VPS13A: variants seen among roughly 807,000 people sequenced by gnomAD.
VPS13A encodes vacuolar protein sorting 13 homolog A.
In VPS13A, 264 loss-of-function variants were observed where a neutral mutation model predicts 390.9. That is an observed-to-expected ratio of 0.68 (90% confidence interval 0.61 to 0.75). The LOEUF (loss-of-function observed/expected upper bound fraction) is 0.75, where lower values mean the gene tolerates loss of function less well. Among genes scored for constraint, VPS13A ranks in the 30% least tolerant of loss-of-function variants. The probability of loss-of-function intolerance (pLI) is 0.00; values close to 1 mark genes in which losing one functional copy is unlikely to be tolerated. For synonymous variants in VPS13A, 1,231 were observed against 1,227.1 expected, an observed-to-expected ratio of 1.00 and a Z score of -0.07; for missense variants, 3,409 against 3,733.9, an observed-to-expected ratio of 0.91 and a Z score of 2.27.
Position 77,238,302 on chromosome 9 carries a change from A to G in VPS13A, c.1816A>G (p.Arg606Gly), listed in dbSNP as rs1222802737. 3 of 1,614,010 alleles carry G rather than the reference A, an allele frequency of 1.9e-6. No homozygotes were observed. Among genetic ancestry groups the G allele is most frequent in the Non-Finnish European group, 2.5e-6 (3 of 1,179,922 alleles). The change falls in exon 19 of 72, where the codon AGA becomes GGA. Residue 606 changes from arginine to glycine, a missense_variant. Physicochemically the swap from Arg to Gly is moderately radical, Grantham distance 125 (BLOSUM62 -2). Around this residue, in one of 5 missense-constraint regions of VPS13A, gnomAD observed 2,717 missense variants for 2,917.4 expected, o/e 0.93. Transcript: ENST00000360280. ...RTVNSIVEFFRPPKEVHLAQL... is the reference protein window; with the variant it reads ...RTVNSIVEFFGPPKEVHLAQL... ...AGTGAATAGTATAGTGGAATTCTTC[A>G]GACCTCCAAAAGAGGTACATCTAGC... is the stretch of plus-strand genomic sequence containing the variant.
intron 2 of VPS13A, among the ~76,000 whole-genome samples, chr9:77,200,444 G>A (rs1209415408): frequency 1.3e-5 from 2 of 152,156 alleles, no homozygotes; most frequent in South Asian, 2.1e-4. Context: ...AATGGAGATC[G>A]TGCTACTGCA....
chr9:77,384,903 T>C, intron 68 of VPS13A: 1 of 1,377,816 alleles, frequency 7.3e-7, no homozygotes, highest in Non-Finnish European at 9.4e-7. Flanking sequence ...TATTATAGAT[T>C]TGCTTTTATA....
chr9:77,213,007 A>G lies in VPS13A; in HGVS notation c.594A>G (p.Glu198=). 1 of 1,613,974 alleles carries G rather than the reference A, an allele frequency of 6.2e-7. No homozygotes were observed. Among genetic ancestry groups the G allele is most frequent in the Non-Finnish European group, 8.5e-7 (1 of 1,179,974 alleles). ...ACTGGGTTCCATGTTTACATGATGA[A>G]ACTGAGAAACTGGTTCGTAAGGTAA... ...DQYWVPCLHD[E]TEKLVRKLIR... The change falls in exon 8 of 72, where the codon GAA becomes GAG. Residue 198 remains glutamate (E), a synonymous_variant. Coordinates refer to ENST00000360280, the MANE Select transcript of VPS13A (RefSeq NM_033305.3).
intron 12 of VPS13A, 38 bp downstream of exon 12, chr9:77,220,421 A>G: frequency 7.6e-7 from 1 of 1,320,016 alleles, no homozygotes; most frequent in South Asian, 1.3e-5. Context: ...TAGATTTTAA[A>G]AATACAACAT....
At chr9:77,250,302 A>AC in intron 21 of VPS13A, 73 bp downstream of exon 21, 1 of 1,527,442 alleles carries the variant, frequency 6.5e-7, no homozygotes, top group Middle Eastern at 1.8e-4. Flanking sequence ...CACTTTGAAG[A>AC]CCTTCCTCTT....
At chr9:77,239,979 A>G (rs1824374514) in intron 19 of VPS13A, among the ~76,000 whole-genome samples, 1 of 147,244 alleles carries the variant, frequency 6.8e-6, no homozygotes, top group Non-Finnish European at 1.5e-5. Context: ...AACTTTATAT[A>G]CCATCCCCAT....
At chr9:77,315,211 A>G (rs754514227) in intron 37 of VPS13A, 42 bp from the exon 38 acceptor site, 8 of 1,539,482 alleles carry the variant, frequency 5.2e-6, no homozygotes, top group Non-Finnish European at 4.5e-6. Flanking sequence ...GATTACTTCT[A>G]AGTTACTCAT....
chr9:77,178,361 C>G (rs957555666), intron 1 of VPS13A, among the ~76,000 whole-genome samples: 5 of 152,240 alleles, frequency 3.3e-5, no homozygotes, highest in Non-Finnish European at 5.9e-5. Flanking sequence ...TCTGCTCTCC[C>G]CCTTCCGGCC....
chr9:77,204,864 A>G (rs1183993644), intron 3 of VPS13A, among the ~76,000 whole-genome samples: 1 of 152,126 alleles, frequency 6.6e-6, no homozygotes, highest in African/African-American at 2.4e-5. Flanking sequence ...CCTGGGTTCA[A>G]GCGATCCACC....
At chr9:77,320,155 TAC>T (rs943946773) in intron 42 of VPS13A, among the ~76,000 whole-genome samples, 1 of 152,166 alleles carries the variant, frequency 6.6e-6, no homozygotes, top group Non-Finnish European at 1.5e-5. Context: ...TGGAGGTAGA[TAC>T]AGTTTTTATT....
chr9:77,322,878 T>C (rs1829824433), intron 44 of VPS13A, among the ~76,000 whole-genome samples, 189 bp from the exon 45 acceptor site: 1 of 152,002 alleles, frequency 6.6e-6, no homozygotes, highest in Admixed American at 6.6e-5. Flanking sequence ...GAATGGGAGT[T>C]TTTTAATTAA....
At chr9:77,263,403 G>A (rs890272352) in intron 23 of VPS13A, among the ~76,000 whole-genome samples, 2 of 151,824 alleles carry the variant, frequency 1.3e-5, no homozygotes, top group African/African-American at 2.4e-5. Context: ...CACTGAGCCC[G>A]GCCCCTTTTC....
At chr9:77,218,188 A>T (rs1157262913) in intron 10 of VPS13A, among the ~76,000 whole-genome samples, 1 of 137,082 alleles carries the variant, frequency 7.3e-6, no homozygotes, top group African/African-American at 2.8e-5. Context: ...ATCTTGGCTC[A>T]CTGTAAGCTC....
chr9:77,354,742 G>A (rs1230605176), intron 54 of VPS13A, among the ~76,000 whole-genome samples: 1 of 151,936 alleles, frequency 6.6e-6, no homozygotes, highest in African/African-American at 2.4e-5. Context: ...TTACTACCTT[G>A]CATTCCACTT....
chr9:77,376,562 C>T (rs1001800618), intron 67 of VPS13A, among the ~76,000 whole-genome samples: 1 of 152,062 alleles, frequency 6.6e-6, no homozygotes, highest in Non-Finnish European at 1.5e-5. Context: ...GAAAGAGAAT[C>T]GTGAAGAATA....
chr9:77,265,016 AT>A (rs1201846923), intron 23 of VPS13A, among the ~76,000 whole-genome samples: 1 of 152,182 alleles, frequency 6.6e-6, no homozygotes, highest in African/African-American at 2.4e-5. Flanking sequence ...AGGGTGTTGA[AT>A]TTTATCGAAG....
chr9:77,205,737 G>A (rs1357017494), intron 4 of VPS13A, among the ~76,000 whole-genome samples: 2 of 151,840 alleles, frequency 1.3e-5, no homozygotes, highest in South Asian at 2.1e-4. Flanking sequence ...GATTATAGGC[G>A]CCTGCCACCA....
At chr9:77,199,156 T>C (rs902994383) in intron 1 of VPS13A, among the ~76,000 whole-genome samples, 5 of 152,214 alleles carry the variant, frequency 3.3e-5, no homozygotes, top group African/African-American at 4.8e-5. Flanking sequence ...GTTAATTTTT[T>C]ATAGCAACTT....
intron 1 of VPS13A, among the ~76,000 whole-genome samples, chr9:77,185,577 G>A (rs767613522): frequency 2.4e-4 from 37 of 152,170 alleles, no homozygotes; most frequent in Non-Finnish European, 3.7e-4. Context: ...GAATATGAGA[G>A]TAGAGAGAAA....
Sources: allele counts gnomAD v4.1 joint callset (sites outside exome capture counted in the v4.1 genomes callset), GRCh38; gene constraint gnomAD v4.1.1; regional missense constraint gnomAD v4.1.1; transcripts MANE v1.5; gene names NCBI Gene and HGNC (gene_info 2026-07-23, HGNC 2026-07-21).